ERG: variants seen among roughly 807,000 people sequenced by gnomAD.
ERG encodes the protein ETS transcription factor ERG, also known as transcriptional regulator ERG.
ERG carries 9 observed loss-of-function variants against 55.3 expected under a neutral mutation model. The observed-to-expected ratio is 0.16, with a 90% confidence interval of 0.10 to 0.28. The LOEUF (loss-of-function observed/expected upper bound fraction) is 0.28. Ranked by LOEUF, ERG falls within the 10% of genes least tolerant of loss-of-function variation. The probability of loss-of-function intolerance (pLI) is 1.00; values close to 1 mark genes in which losing one functional copy is unlikely to be tolerated. For missense variants in ERG, 434 were observed against 631.6 expected (o/e 0.69, Z 3.35); for synonymous variants, 223 against 237.3 (o/e 0.94, Z 0.55).
intron 2 of ERG, among the ~76,000 whole-genome samples, chr21:38,442,291 G>A (rs1268178670): frequency 6.6e-6 from 1 of 152,034 alleles, no homozygotes; most frequent in Non-Finnish European, 1.5e-5. Flanking sequence ...CTACTCAGGA[G>A]GCTGAGGCAG....
At chr21:38,378,673 C>CT, downstream of ERG, among the ~76,000 whole-genome samples, 1 of 152,280 alleles carries the variant, frequency 6.6e-6, no homozygotes, top group Non-Finnish European at 1.5e-5. Context: ...CTATGTCCCT[C>CT]TTTAAGTGTA....
At chr21:38,515,372 CAGAA>C (rs913032815) in intron 2 of ERG, among the ~76,000 whole-genome samples, 3 of 151,774 alleles carry the variant, frequency 2.0e-5, no homozygotes, top group African/African-American at 7.3e-5. Context: ...AAGATTGAAT[CAGAA>C]AGAAACTGAA....
chr21:38,538,675 A>T lies in ERG; in HGVS notation c.-41+36987T>A, dbSNP rs558779839. 1.8e-4 allele frequency among the ~76,000 whole-genome samples: 28 copies of T among 152,228 alleles called. No homozygotes were observed. In the South Asian group the frequency reaches 5.8e-3, roughly 32 times the overall value. On this transcript the variant is annotated intron_variant, in intron 2 of 8. Transcript: ENST00000398897. Reference sequence around the variant, plus strand: ...ATGGAGTCATGTAATTCCATTACATACCCTTTGCTTTCAACTATATGGCCA... The same window carrying T: ...ATGGAGTCATGTAATTCCATTACATTCCCTTTGCTTTCAACTATATGGCCA...
At chr21:38,534,466 AG>A (rs1157323236) in intron 2 of ERG, among the ~76,000 whole-genome samples, 5 of 152,348 alleles carry the variant, frequency 3.3e-5, no homozygotes, top group African/African-American at 1.2e-4. Flanking sequence ...CTTGAAGATA[AG>A]CAAGTGACAC....
At chr21:38,555,523 G>A (rs2059853004) in intron 2 of ERG, among the ~76,000 whole-genome samples, 1 of 151,632 alleles carries the variant, frequency 6.6e-6, no homozygotes, top group Non-Finnish European at 1.5e-5. Context: ...TTAACATAAA[G>A]GATGTAACTT....
chr21:38,491,772 G>C (rs1208195078), intron 1 of ERG, among the ~76,000 whole-genome samples: 1 of 152,158 alleles, frequency 6.6e-6, no homozygotes, highest in African/African-American at 2.4e-5. Context: ...ACGAGTGCAA[G>C]GAAGTTGATA....
intron 2 of ERG, among the ~76,000 whole-genome samples, chr21:38,432,888 A>G (rs1326122192): frequency 2.0e-5 from 3 of 152,184 alleles, no homozygotes; most frequent in East Asian, 1.9e-4. Context: ...CTAAAGCACC[A>G]TTGAATGGAT....
chr21:38,439,415 C>G (rs779446829), intron 2 of ERG, among the ~76,000 whole-genome samples: 1 of 152,222 alleles, frequency 6.6e-6, no homozygotes, highest in African/African-American at 2.4e-5. Flanking sequence ...TCACGAGAGG[C>G]TGAGCAGGCG....
rs1440667272 is a variant in ERG at position 38,655,761 on chromosome 21, A to G, written c.-150+5897T>C. Among the ~76,000 whole-genome samples, 4 of 152,318 alleles carry G rather than the reference A, an allele frequency of 2.6e-5. No individual in the cohort carries two copies. In the East Asian group the frequency reaches 7.7e-4, roughly 29 times the overall value. On this transcript the variant is annotated intron_variant, in intron 1 of 10. Transcript: ENST00000398910. ...AAGTGAAGTTTTGGGGGACAACAAC[A>G]TGACCAACAGACTCTACCTCAGCAT...
At position 38,614,830 on chromosome 21, in the gene ERG, C is replaced by T. The variant is rs536962660; in HGVS notation, c.-149-29885G>A. On this transcript the variant is annotated intron_variant, in intron 1 of 10. Transcript: ENST00000398910. ...GGGAGTCCCTCCTTTGGGGAAATAT[C>T]CTGTCCCAAGGCCAAGGTATTATTC... Among the ~76,000 whole-genome samples, 36 of 152,316 alleles carry T rather than the reference C, an allele frequency of 2.4e-4. 1 individual carries two copies. The highest frequency in any genetic ancestry group is 4.7e-4 in the Non-Finnish European group (32 of 68,032).
At chr21:38,508,295 G>A (rs2059485031) in intron 2 of ERG, among the ~76,000 whole-genome samples, 1 of 152,018 alleles carries the variant, frequency 6.6e-6, no homozygotes, top group Non-Finnish European at 1.5e-5. Context: ...ATTGGGCAGT[G>A]AGGAAGGTAA....
chr21:38,567,742 C>T (rs1427276806), intron 2 of ERG, among the ~76,000 whole-genome samples: 2 of 152,192 alleles, frequency 1.3e-5, no homozygotes, highest in Non-Finnish European at 2.9e-5. Context: ...TGAAATCCAC[C>T]CTTCGCCATA....
intron 2 of ERG, among the ~76,000 whole-genome samples, chr21:38,523,512 C>T (rs1411255088): frequency 6.6e-6 from 1 of 152,138 alleles, no homozygotes; most frequent in East Asian, 1.9e-4. Flanking sequence ...GAGGCGGGGG[C>T]CAGGGTTGGA....
intron 1 of ERG, among the ~76,000 whole-genome samples, chr21:38,452,851 C>T (rs957379899): frequency 1.3e-5 from 2 of 152,266 alleles, no homozygotes; most frequent in African/African-American, 2.4e-5. Flanking sequence ...TACTTCTCCC[C>T]TGGCCTTGCC....
chr21:38,566,317 C>T (rs1019623804), intron 2 of ERG, among the ~76,000 whole-genome samples: 1 of 152,122 alleles, frequency 6.6e-6, no homozygotes, highest in Non-Finnish European at 1.5e-5. Context: ...TGTCCTGAAC[C>T]ACTGTACCCT....
intron 3 of ERG, among the ~76,000 whole-genome samples, chr21:38,408,836 C>G (rs1988903558): frequency 1.3e-5 from 2 of 152,166 alleles, no homozygotes; most frequent in Non-Finnish European, 2.9e-5. Flanking sequence ...GGGACTACAG[C>G]ATAAGCCCCA....
chr21:38,469,258 A>G (rs1396846640), intron 1 of ERG, among the ~76,000 whole-genome samples: 1 of 152,174 alleles, frequency 6.6e-6, no homozygotes, highest in Non-Finnish European at 1.5e-5. Context: ...GTGACTCATT[A>G]ACGCACTTAG....
chr21:38,586,176 AATATATAT>A (rs56413525), upstream of ERG, among the ~76,000 whole-genome samples: 10 of 128,628 alleles, frequency 7.8e-5, no homozygotes, highest in Admixed American at 2.4e-4. Context: ...TATGTTTTGA[AATATATAT>A]ATATATATAT....
rs545572753 is a variant in ERG, at chr21:38,597,541, A to T, written c.-149-12596T>A. ...GAGAGAGGGAGAAAGATCTATCTAC[A>T]TCCATCCTGTTGGATCTTTCTGGAG... On this transcript the variant is annotated intron_variant, in intron 1 of 10. Transcript: ENST00000398910. Among the ~76,000 whole-genome samples, 243 of 152,148 alleles carry T rather than the reference A, an allele frequency of 1.6e-3. 1 individual carries two copies. The highest frequency in any genetic ancestry group is 4.5e-3 in the African/African-American group (188 of 41,512).
Sources: gnomAD v4.1 joint callset for allele counts (sites outside exome capture counted in the v4.1 genomes callset) on GRCh38, gnomAD v4.1.1 for gene constraint, MANE v1.5 for transcripts, NCBI Gene and HGNC (gene_info 2026-07-23, HGNC 2026-07-21) for gene names.